The following ETNK1 variants were observed in gnomAD, a reference collection of about 807,000 sequenced individuals.
ETNK1 encodes putative protein product of Nbla10396.
A neutral mutation model predicts 45.1 loss-of-function variants in ETNK1; 8 were observed. The ratio of observed to expected loss-of-function variants is 0.18; its 90% CI spans 0.10 to 0.32. The LOEUF is 0.32. Among genes scored for constraint, ETNK1 ranks in the 10% least tolerant of loss-of-function variants. ETNK1 has a pLI of 1.00. For synonymous variants in ETNK1, 152 were observed against 151.9 expected (o/e 1.00, Z -0.01); for missense variants, 302 against 430.6 (o/e 0.70, Z 2.64).
At position 22,689,075 on chromosome 12, in the gene ETNK1, T is replaced by G. The variant is rs1030577968; in HGVS notation, c.*4121T>G. On this transcript the variant is annotated 3_prime_UTR_variant, in exon 8 of 8. Transcript: ENST00000266517. ...TGCTGTAACAGAAAATACTTGGGTA[T>G]GCATTACTTGAATACTTGAAAACTG... 6.6e-6 allele frequency: 1 copy of G among 151,890 alleles called. No individual in the cohort carries two copies. The highest frequency in any genetic ancestry group is 1.5e-5 in the Non-Finnish European group (1 of 67,770). 9.4% of individuals were successfully genotyped at this position (151,890 alleles called of 1,614,324 possible). A position where few individuals can be genotyped will look rare whatever the true frequency, so the allele number is the denominator to read the frequency against.
chr12:22,625,744 G>A, intron 1 of ETNK1, 158 bp downstream of exon 1: 1 of 1,074,378 alleles, frequency 9.3e-7, no homozygotes, highest in Non-Finnish European at 1.4e-6. Flanking sequence ...CTCACACCTA[G>A]GAGGGTCACT....
At chr12:22,639,168 T>A (rs1009155209) in intron 1 of ETNK1, among the ~76,000 whole-genome samples, 1 of 151,866 alleles carries the variant, frequency 6.6e-6, no homozygotes, top group African/African-American at 2.4e-5. Flanking sequence ...CATTCTGGAT[T>A]TGTATATTTT....
chr12:22,661,033 A>G, intron 3 of ETNK1, 30 bp from the exon 4 acceptor site: 1 of 1,577,116 alleles, frequency 6.3e-7, no homozygotes. Flanking sequence ...AATGTCACAC[A>G]AGATATAACT....
intron 6 of ETNK1, among the ~76,000 whole-genome samples, chr12:22,681,505 C>G (rs1954215634): frequency 6.6e-6 from 1 of 151,988 alleles, no homozygotes; most frequent in East Asian, 1.9e-4. Context: ...ACTAGTGGTT[C>G]TCAAATTTTT....
rs150055524 is a variant in ETNK1, at chr12:22,655,332, T to G, written c.417-3682T>G. 2.9e-3 allele frequency among the ~76,000 whole-genome samples: 15 copies of G among 5,244 alleles called. No homozygotes were observed. In the East Asian group the frequency reaches 0.13, roughly 46 times the overall value. The allele number at this position is 5,244 out of a possible 152,430, so 3.4% of individuals were successfully genotyped here. On this transcript the variant is annotated intron_variant, in intron 2 of 7. Coordinates refer to ENST00000266517, the MANE Select transcript of ETNK1 (RefSeq NM_018638.5). ...TAGGATATTTGGGGTTTGTTTGTTT[T>G]TTTTTTTTTTTTTTTTTTTTCGAGA... is the stretch of plus-strand genomic sequence containing the variant.
rs1036762869 is a variant in ETNK1 at position 22,688,493 on chromosome 12, C to G, written c.*3539C>G. 7 of 152,250 alleles carry G rather than the reference C, an allele frequency of 4.6e-5. No homozygotes were observed. Among genetic ancestry groups the G allele is most frequent in the Non-Finnish European group, 1.0e-4 (7 of 67,772 alleles). 9.4% of individuals were successfully genotyped at this position (152,250 alleles called of 1,614,324 possible). On this transcript the variant is annotated 3_prime_UTR_variant, in exon 8 of 8. Transcript: ENST00000266517. ...TTTCTTTTTTACATTACACAGAAGCCTTCTGTACCATTTTACGAATTTCTG... is the reference window on the plus strand; with the variant it reads ...TTTCTTTTTTACATTACACAGAAGCGTTCTGTACCATTTTACGAATTTCTG...
intron 6 of ETNK1, among the ~76,000 whole-genome samples, chr12:22,673,963 AT>A (rs370944369): frequency 4.3e-4 from 65 of 152,320 alleles, no homozygotes; most frequent in African/African-American, 1.5e-3. Flanking sequence ...GCATAAAACA[AT>A]TTCTTAGTCT....
intron 2 of ETNK1, chr12:22,656,715 C>A (rs1267004034): frequency 4.4e-5 from 43 of 984,932 alleles, no homozygotes; most frequent in Non-Finnish European, 5.2e-5. Context: ...TTGTAAGAGA[C>A]CCCAAATCAG....
intron 4 of ETNK1, among the ~76,000 whole-genome samples, chr12:22,662,805 C>T (rs147498082): frequency 6.6e-6 from 1 of 152,144 alleles, no homozygotes; most frequent in East Asian, 1.9e-4. Context: ...TTAGCATGGT[C>T]ATAATTATAT....
chr12:22,644,126 A>G, intron 2 of ETNK1, 104 bp downstream of exon 2: 1 of 1,486,590 alleles, frequency 6.7e-7, no homozygotes, highest in Non-Finnish European at 9.0e-7. Flanking sequence ...TATTTGGTTA[A>G]CTTAGAAACT....
chr12:22,647,342 G>A lies in ETNK1; in HGVS notation c.416+3320G>A, dbSNP rs555440129. Among the ~76,000 whole-genome samples the A allele has an allele frequency of 8.3e-4, 126 of 151,972 alleles. 1 individual carries two copies. The highest frequency in any genetic ancestry group is 2.6e-3 in the African/African-American group (110 of 41,548). Reference sequence around the variant, plus strand: ...TATCAAAGAGCATACTGAGGGTACCGTAGTGGAACTGGCACCTTGTGGGTT... The same window carrying A: ...TATCAAAGAGCATACTGAGGGTACCATAGTGGAACTGGCACCTTGTGGGTT... On this transcript the variant is annotated intron_variant, in intron 2 of 7. Coordinates refer to ENST00000266517, the MANE Select transcript of ETNK1 (RefSeq NM_018638.5).
At chr12:22,655,186 T>C (rs964402290) in intron 2 of ETNK1, among the ~76,000 whole-genome samples, 1 of 152,206 alleles carries the variant, frequency 6.6e-6, no homozygotes, top group African/African-American at 2.4e-5. Context: ...CAGGTTGGTC[T>C]CGAACTCCTT....
At chr12:22,638,977 T>G (rs1953693251) in intron 1 of ETNK1, 1 of 152,160 alleles carries the variant, frequency 6.6e-6, no homozygotes. Context: ...AGCAGTAATG[T>G]CTAAGTACTG....
intron 4 of ETNK1, among the ~76,000 whole-genome samples, chr12:22,665,124 C>T (rs1196167491): frequency 1.3e-5 from 2 of 152,054 alleles, no homozygotes; most frequent in African/African-American, 2.4e-5. Flanking sequence ...TGGAACTAAA[C>T]ACATTCGAGT....
intron 2 of ETNK1, 156 bp downstream of exon 2, chr12:22,644,178 A>C: frequency 6.5e-7 from 1 of 1,549,046 alleles, no homozygotes; most frequent in Non-Finnish European, 8.7e-7. Flanking sequence ...GTTTTCCCTA[A>C]AAAGATAGAA....
rs1393059936 is a variant in ETNK1, at chr12:22,671,172, A to G, written c.701-100A>G. The G allele has an allele frequency of 6.9e-6, 6 of 869,020 alleles. No homozygotes were observed. The African/African-American group carries it at 9.9e-5, about 14-fold the overall frequency. The allele number at this position is 869,020 out of a possible 1,614,324, so 53.8% of individuals were successfully genotyped here. ...AAGTGCATGTAATCAAGCACGTACA[A>G]TGAGACAAAATATTGGAAGCTATTT... On this transcript the variant is annotated intron_variant, in intron 4 of 7. Coordinates refer to ENST00000266517, the MANE Select transcript of ETNK1 (RefSeq NM_018638.5).
chr12:22,655,213 C>G (rs1191206851), intron 2 of ETNK1, among the ~76,000 whole-genome samples: 1 of 152,188 alleles, frequency 6.6e-6, no homozygotes, highest in Non-Finnish European at 1.5e-5. Context: ...GGTGATTCAT[C>G]CACCTTGGCC....
chr12:22,681,679 AAATAG>A (rs1441030500), intron 6 of ETNK1, among the ~76,000 whole-genome samples: 1 of 152,028 alleles, frequency 6.6e-6, no homozygotes, highest in Non-Finnish European at 1.5e-5. Flanking sequence ...CAAATGCCAT[AAATAG>A]AATACTATTT....
At position 22,689,398 on chromosome 12, in the gene ETNK1, AT is replaced by A. The variant is rs1378364454; in HGVS notation, c.*4446del. 1 of 151,924 alleles carries A rather than the reference AT, an allele frequency of 6.6e-6. No homozygotes were observed. Among genetic ancestry groups the A allele is most frequent in the Non-Finnish European group, 1.5e-5 (1 of 67,826 alleles). The allele number at this position is 151,924 out of a possible 1,614,324, so 9.4% of individuals were successfully genotyped here. A position where few individuals can be genotyped will look rare whatever the true frequency, so the allele number is the denominator to read the frequency against. ...GCAGGGTTAAAAATATTGTATCTGTATTCATTGTGAATCCTGTAGCTTTTCT... is the reference window on the plus strand; with the variant it reads ...GCAGGGTTAAAAATATTGTATCTGTATCATTGTGAATCCTGTAGCTTTTCT... On this transcript the variant is annotated 3_prime_UTR_variant, in exon 8 of 8. Transcript: ENST00000266517.
Sources: gnomAD v4.1 joint callset for allele counts (sites outside exome capture counted in the v4.1 genomes callset) on GRCh38, gnomAD v4.1.1 for gene constraint, MANE v1.5 for transcripts, NCBI Gene and HGNC (gene_info 2026-07-23, HGNC 2026-07-21) for gene names.